The following LAMA2 variants were observed in gnomAD, a reference collection of about 807,000 sequenced individuals.
LAMA2 encodes the protein laminin subunit alpha-2.
LAMA2 carries 269 observed loss-of-function variants against 364.8 expected under a neutral mutation model. The ratio of observed to expected loss-of-function variants is 0.74; its 90% CI spans 0.67 to 0.82. The LOEUF is 0.82. Among genes scored for constraint, LAMA2 ranks in the 40% least tolerant of loss-of-function variants. LAMA2 has a pLI of 0.00. For synonymous variants in LAMA2, 1,379 were observed against 1,370.6 expected (o/e 1.01, Z -0.14); for missense variants, 3,807 against 3,873.2 (o/e 0.98, Z 0.45).
intron 41 of LAMA2, among the ~76,000 whole-genome samples, chr6:129,428,725 G>A (rs1220123596): frequency 1.1e-4 from 16 of 152,162 alleles, no homozygotes; most frequent in Non-Finnish European, 2.2e-4. Flanking sequence ...GATTACAGAT[G>A]TGAGCCACCG....
rs1776956894 is a variant in LAMA2, at chr6:129,353,251, G to A, written c.4611G>A (p.Val1537=). ...GTGATCCCTATGGCTCACTGCCTGT[G>A]CCCTGTGACCCTGTCACAGGATTCT... ...CECDPYGSLP[V]PCDPVTGFCT... is the part of the protein sequence containing the mutation. Residue 1537 remains valine, a synonymous_variant, in exon 32 of 65, where the codon GTG becomes GTA. Coordinates refer to ENST00000421865, the MANE Select transcript of LAMA2 (RefSeq NM_000426.4). The A allele has an allele frequency of 6.2e-7, 1 of 1,613,922 alleles. No individual in the cohort carries two copies. The highest frequency in any genetic ancestry group is 1.3e-5 in the African/African-American group (1 of 74,916).
At chr6:128,884,562 C>G (rs1044330321) in intron 1 of LAMA2, among the ~76,000 whole-genome samples, 1 of 152,068 alleles carries the variant, frequency 6.6e-6, no homozygotes, top group Admixed American at 6.5e-5. Context: ...CAAGCTCTTT[C>G]TATAATAATA....
At chr6:129,243,348 T>G (rs1322167944) in intron 12 of LAMA2, among the ~76,000 whole-genome samples, 1 of 152,124 alleles carries the variant, frequency 6.6e-6, no homozygotes, top group Non-Finnish European at 1.5e-5. Flanking sequence ...CCTCTCTATA[T>G]GCCTTTCACA....
chr6:129,069,450 AATTAT>A (rs952381745), intron 3 of LAMA2, among the ~76,000 whole-genome samples: 2 of 148,502 alleles, frequency 1.3e-5, no homozygotes, highest in African/African-American at 2.4e-5. Context: ...AATTAAAAAC[AATTAT>A]ATTATTTGTT....
intron 4 of LAMA2, among the ~76,000 whole-genome samples, chr6:129,130,723 A>G (rs1420445357): frequency 6.6e-6 from 1 of 152,226 alleles, no homozygotes; most frequent in Non-Finnish European, 1.5e-5. Flanking sequence ...TGTTAGAACT[A>G]CAAGAGCACA....
intron 1 of LAMA2, among the ~76,000 whole-genome samples, chr6:129,040,728 TC>T (rs1787028941): frequency 6.6e-6 from 1 of 152,222 alleles, no homozygotes; most frequent in Non-Finnish European, 1.5e-5. Context: ...AGGCTACTTG[TC>T]TTTCCCCAGT....
At position 129,341,875 on chromosome 6, in the gene LAMA2, T is replaced by C. The variant is rs1776284784; in HGVS notation, c.4312-468T>C. Among the ~76,000 whole-genome samples the C allele has an allele frequency of 3.3e-5, 5 of 152,264 alleles. No homozygotes were observed. The South Asian group carries it at 1.0e-3, about 31-fold the overall frequency. The stretch of plus-strand genomic sequence containing the variant: ...ATTTATGAAGAACCACCTACATCTA[T>C]GCTTTCCACCTTGAGGTGGTTTCAG... On this transcript the variant is annotated intron_variant, in intron 29 of 64. Coordinates refer to ENST00000421865, the MANE Select transcript of LAMA2 (RefSeq NM_000426.4).
chr6:129,056,083 C>T (rs772893605), intron 2 of LAMA2, among the ~76,000 whole-genome samples: 4 of 152,158 alleles, frequency 2.6e-5, no homozygotes, highest in Admixed American at 1.3e-4. Flanking sequence ...ACCTAAGAGC[C>T]ATGAATTTGA....
chr6:129,440,747 G>A (rs1698589504), intron 42 of LAMA2, 69 bp from the exon 43 acceptor site: 2 of 1,364,308 alleles, frequency 1.5e-6, no homozygotes, highest in South Asian at 2.3e-5. Flanking sequence ...GCCTCGCTTT[G>A]TCAAGCATGG....
At chr6:128,918,695 A>G (rs1030235762) in intron 1 of LAMA2, among the ~76,000 whole-genome samples, 6 of 152,248 alleles carry the variant, frequency 3.9e-5, no homozygotes, top group African/African-American at 1.4e-4. Flanking sequence ...TGTACATTTT[A>G]AATTTCTAGT....
chr6:129,342,236 A>G, intron 29 of LAMA2, 107 bp from the exon 30 acceptor site: 1 of 894,906 alleles, frequency 1.1e-6, no homozygotes. Context: ...TGTGTAAGAA[A>G]GTATATGTGT....
chr6:129,294,202 C>A (rs536101135), intron 20 of LAMA2, among the ~76,000 whole-genome samples: 8 of 152,058 alleles, frequency 5.3e-5, no homozygotes, highest in Non-Finnish European at 7.4e-5. Flanking sequence ...TGGGATATAC[C>A]CAAGCAAATT....
At chr6:129,084,590 G>A (rs1562224492) in intron 3 of LAMA2, among the ~76,000 whole-genome samples, 2 of 152,110 alleles carry the variant, frequency 1.3e-5, no homozygotes. Flanking sequence ...ATTTGATAGT[G>A]TAATATGCTG....
chr6:129,213,771 T>C (rs533059472), intron 12 of LAMA2, among the ~76,000 whole-genome samples: 3 of 152,314 alleles, frequency 2.0e-5, no homozygotes, highest in Admixed American at 6.5e-5. Context: ...CCATATCAGG[T>C]ATATCTTTTG....
intron 21 of LAMA2, among the ~76,000 whole-genome samples, chr6:129,298,554 A>G (rs1055746135): frequency 2.6e-5 from 4 of 152,166 alleles, no homozygotes; most frequent in Non-Finnish European, 5.9e-5. Flanking sequence ...ATATGCTGCT[A>G]ATTTCGAACT....
intron 1 of LAMA2, among the ~76,000 whole-genome samples, chr6:129,009,046 CAT>C: frequency 6.6e-6 from 1 of 152,240 alleles, no homozygotes. Context: ...TCATGTTAAA[CAT>C]ATCAATATCT....
At chr6:129,347,789 C>T (rs987194164) in intron 30 of LAMA2, among the ~76,000 whole-genome samples, 3 of 152,118 alleles carry the variant, frequency 2.0e-5, no homozygotes, top group African/African-American at 7.2e-5. Context: ...CCTACTCCCT[C>T]CAGAAGACCT....
At chr6:129,290,980 A>C (rs1426983397) in intron 19 of LAMA2, among the ~76,000 whole-genome samples, 1 of 152,182 alleles carries the variant, frequency 6.6e-6, no homozygotes, top group Non-Finnish European at 1.5e-5. Flanking sequence ...AAAGGCATAA[A>C]TATTTCACCT....
intron 18 of LAMA2, among the ~76,000 whole-genome samples, chr6:129,283,403 T>C (rs1378122636): frequency 6.6e-6 from 1 of 152,078 alleles, no homozygotes; most frequent in Non-Finnish European, 1.5e-5. Flanking sequence ...CAACATGTCA[T>C]ACATTATGGA....
Sources: allele counts gnomAD v4.1 joint callset (sites outside exome capture counted in the v4.1 genomes callset), GRCh38; gene constraint gnomAD v4.1.1; transcripts MANE v1.5; gene names NCBI Gene and HGNC (gene_info 2026-07-23, HGNC 2026-07-21).